Variants in RNF220 observed in about 807,000 individuals in gnomAD.
RNF220 encodes ring finger protein 220, also known as E3 ubiquitin-protein ligase RNF220.
RNF220 carries 7 observed loss-of-function variants against 67.1 expected under a neutral mutation model. The ratio of observed to expected loss-of-function variants is 0.10; its 90% CI spans 0.06 to 0.20. The LOEUF is 0.20. Among genes scored for constraint, RNF220 ranks in the 10% least tolerant of loss-of-function variants. The probability of loss-of-function intolerance (pLI) is 1.00; values close to 1 mark genes in which losing one functional copy is unlikely to be tolerated. For missense variants in RNF220, 565 were observed against 740.3 expected, an observed-to-expected ratio of 0.76 and a Z score of 2.75; for synonymous variants, 270 against 283.2, an observed-to-expected ratio of 0.95 and a Z score of 0.47.
intron 2 of RNF220, among the ~76,000 whole-genome samples, chr1:44,420,597 T>G (rs1004929300): frequency 6.6e-6 from 1 of 152,226 alleles, no homozygotes; most frequent in Non-Finnish European, 1.5e-5. Flanking sequence ...TTGCCCCCTT[T>G]GAGCCTCAAC....
rs181906909 is a variant in RNF220 at position 44,552,813 on chromosome 1, C to A, written c.626-61352C>A. On this transcript the variant is annotated intron_variant, in intron 2 of 14. Transcript: ENST00000361799. ...CTCGATCTCTTGACCTCGTGATCCG[C>A]CCGCCTTGGCCTCCCAAAGTGCTGG... Among the ~76,000 whole-genome samples the A allele has an allele frequency of 5.1e-3, 773 of 152,080 alleles. 5 individuals carry two copies. The highest frequency in any genetic ancestry group is 0.018 in the African/African-American group (734 of 41,504).
intron 2 of RNF220, among the ~76,000 whole-genome samples, chr1:44,513,834 G>C (rs1659235811): frequency 1.3e-5 from 2 of 152,194 alleles, no homozygotes; most frequent in Middle Eastern, 3.2e-3. Flanking sequence ...CCGTGCAGCT[G>C]TCTCCCCAGG....
At chr1:44,482,608 G>A (rs1014968075) in intron 2 of RNF220, among the ~76,000 whole-genome samples, 1 of 152,010 alleles carries the variant, frequency 6.6e-6, no homozygotes, top group Non-Finnish European at 1.5e-5. Context: ...CCTTGGCATA[G>A]TCTAGGGTAA....
intron 2 of RNF220, among the ~76,000 whole-genome samples, chr1:44,587,534 G>GC (rs1558068701): frequency 6.6e-6 from 1 of 152,114 alleles, no homozygotes; most frequent in Admixed American, 6.5e-5. Context: ...GAACATTCCC[G>GC]CCCCCTCTGT....
In RNF220 at chr1:44,412,330, G is replaced by C. The variant is rs774112020; in HGVS notation, c.233G>C (p.Gly78Ala). 6.2e-7 allele frequency: 1 copy of C among 1,614,112 alleles called. No homozygotes were observed. Among genetic ancestry groups the C allele is most frequent in the Non-Finnish European group, 8.5e-7 (1 of 1,180,012 alleles). Reference protein sequence around the residue: ...TFASMYHRQGGVPGTFANRDF... With the variant: ...TFASMYHRQGAVPGTFANRDF... ...GCCTCTATGTACCATCGGCAAGGTG[G>C]GGTGCCAGGCACTTTTGCCAATCGT... The change falls in exon 2 of 15, where the codon GGG becomes GCG. Residue 78 changes from glycine to alanine, a missense_variant. Coordinates refer to ENST00000361799, the MANE Select transcript of RNF220 (RefSeq NM_018150.4). This position sits in a 1 kb window ranked among gnomAD's most constrained non-coding sequence, Gnocchi z 5.3.
At chr1:44,485,427 C>T (rs544435647) in intron 2 of RNF220, among the ~76,000 whole-genome samples, 5 of 152,234 alleles carry the variant, frequency 3.3e-5, no homozygotes, top group South Asian at 2.1e-4. Context: ...GACTCCTGCT[C>T]AGGGTTCTGG....
chr1:44,587,773 C>T (rs538103701), intron 2 of RNF220, among the ~76,000 whole-genome samples: 32 of 152,304 alleles, frequency 2.1e-4, no homozygotes, highest in Admixed American at 9.8e-4. Flanking sequence ...TGGCTTGGAC[C>T]GGCCTTACAG....
intron 1 of RNF220, among the ~76,000 whole-genome samples, chr1:44,408,412 A>G (rs1186416842): frequency 6.6e-6 from 1 of 152,154 alleles, no homozygotes; most frequent in African/African-American, 2.4e-5. Context: ...GAGCTCTCGC[A>G]TATGGTGGTA....
intron 2 of RNF220, chr1:44,419,754 T>C (rs1474239046): frequency 1.3e-5 from 2 of 152,224 alleles, no homozygotes; most frequent in African/African-American, 4.8e-5. Context: ...TGAGGTTTCA[T>C]GATGATGAAG....
chr1:44,587,922 G>A (rs1665827242), intron 2 of RNF220, among the ~76,000 whole-genome samples: 1 of 152,200 alleles, frequency 6.6e-6, no homozygotes, highest in Non-Finnish European at 1.5e-5. Context: ...GTCCAGATGT[G>A]TGTGTGTACC....
In RNF220 at chr1:44,412,248, C is replaced by T; in HGVS notation, c.151C>T (p.Pro51Ser). 6.2e-7 allele frequency: 1 copy of T among 1,614,200 alleles called. No individual in the cohort carries two copies. Among genetic ancestry groups the T allele is most frequent in the South Asian group, 1.1e-5 (1 of 91,080 alleles). Residue 51 changes from proline to serine, a missense_variant, in exon 2 of 15, where the codon CCT becomes TCT. Transcript: ENST00000361799. This position sits in a 1 kb window ranked among gnomAD's most constrained non-coding sequence, Gnocchi z 5.3. ...TCAGCAGCCACGACCCTTTGGTGTA[C>T]CTGTCTCAGTTGACAAGGACGTGCA... ...PCQQPRPFGVPVSVDKDVHIP... is the reference protein window; with the variant it reads ...PCQQPRPFGVSVSVDKDVHIP...
At chr1:44,557,819 T>TAC (rs1663239231) in intron 2 of RNF220, among the ~76,000 whole-genome samples, 2 of 152,218 alleles carry the variant, frequency 1.3e-5, no homozygotes, top group Non-Finnish European at 1.5e-5. Flanking sequence ...TCACCTTCTC[T>TAC]ACACCATTTG....
intron 2 of RNF220, among the ~76,000 whole-genome samples, chr1:44,603,677 TG>T (rs1275339703): frequency 6.6e-6 from 1 of 152,254 alleles, no homozygotes; most frequent in Non-Finnish European, 1.5e-5. Flanking sequence ...AGCACGTGGC[TG>T]GCTGCTCACT....
At chr1:44,636,269 G>A (rs1023023585) in intron 8 of RNF220, 107 bp downstream of exon 8, 19 of 1,430,386 alleles carry the variant, frequency 1.3e-5, no homozygotes, top group Middle Eastern at 1.8e-4. Flanking sequence ...TCATCCATCC[G>A]TTCCACCACG....
intron 2 of RNF220, among the ~76,000 whole-genome samples, chr1:44,487,555 G>A (rs187230435): frequency 2.6e-3 from 383 of 149,666 alleles, no homozygotes; most frequent in African/African-American, 8.5e-3. Flanking sequence ...GACGTGGGCC[G>A]AGCATGGTGG....
chr1:44,498,531 GA>G (rs1407275473), intron 2 of RNF220, among the ~76,000 whole-genome samples: 4 of 152,098 alleles, frequency 2.6e-5, no homozygotes. Context: ...AGATCATAAG[GA>G]AATTGATTCT....
At chr1:44,553,093 G>T (rs1358539478) in intron 2 of RNF220, among the ~76,000 whole-genome samples, 2 of 152,076 alleles carry the variant, frequency 1.3e-5, no homozygotes, top group African/African-American at 4.8e-5. Context: ...ATTTCCTTCA[G>T]ATCTTAGCTT....
chr1:44,613,473 G>A (rs570336950), intron 2 of RNF220, among the ~76,000 whole-genome samples: 120 of 152,352 alleles, frequency 7.9e-4, no homozygotes, highest in African/African-American at 2.7e-3. Flanking sequence ...CATCCCAGCC[G>A]GCCAGGTGCG....
At chr1:44,582,756 CAAA>C (rs1052505002) in intron 2 of RNF220, among the ~76,000 whole-genome samples, 6 of 68,530 alleles carry the variant, frequency 8.8e-5, no homozygotes, top group Admixed American at 1.9e-4. Context: ...GACTACATCT[CAAA>C]AAAAAAAAAA....
Sources: allele counts gnomAD v4.1 joint callset (sites outside exome capture counted in the v4.1 genomes callset), GRCh38; gene constraint gnomAD v4.1.1; non-coding constraint Gnocchi (gnomAD v3.1); transcripts MANE v1.5; gene names NCBI Gene and HGNC (gene_info 2026-07-23, HGNC 2026-07-21).